The following FCHSD2 variants were observed in gnomAD, a reference collection of about 807,000 sequenced individuals.
FCHSD2 encodes the protein FCH and double SH3 domains 2.
In FCHSD2, 38 loss-of-function variants were observed where a neutral mutation model predicts 108.1. The ratio of observed to expected loss-of-function variants is 0.35; its 90% CI spans 0.27 to 0.46. The LOEUF (loss-of-function observed/expected upper bound fraction) is 0.46. Among genes scored for constraint, FCHSD2 ranks in the 20% least tolerant of loss-of-function variants. The pLI is 1.00. For synonymous variants in FCHSD2, 279 were observed against 314.7 expected (o/e 0.89, Z 1.20); for missense variants, 751 against 897.8 (o/e 0.84, Z 2.09).
chr11:73,006,066 TGTG>T (rs1857734887), intron 4 of FCHSD2, among the ~76,000 whole-genome samples: 1 of 151,754 alleles, frequency 6.6e-6, no homozygotes, highest in Non-Finnish European at 1.5e-5. Flanking sequence ...AGCCACTGCA[TGTG>T]GCTATTTTTT....
intron 4 of FCHSD2, among the ~76,000 whole-genome samples, chr11:73,008,700 A>G (rs901608614): frequency 6.6e-6 from 1 of 152,192 alleles, no homozygotes; most frequent in Non-Finnish European, 1.5e-5. Flanking sequence ...AAGGAAAAAC[A>G]ATAGAAGATT....
intron 13 of FCHSD2, among the ~76,000 whole-genome samples, chr11:72,866,755 C>T (rs1255731869): frequency 6.6e-6 from 1 of 152,206 alleles, no homozygotes; most frequent in African/African-American, 2.4e-5. Flanking sequence ...AGTGTATTCT[C>T]ATTAGAAAAT....
At chr11:72,915,390 T>C (rs926592006) in intron 9 of FCHSD2, among the ~76,000 whole-genome samples, 9 of 152,166 alleles carry the variant, frequency 5.9e-5, no homozygotes, top group Non-Finnish European at 1.2e-4. Context: ...GCAATCCCGT[T>C]ACTGAGTATA....
intron 8 of FCHSD2, among the ~76,000 whole-genome samples, chr11:72,955,397 G>A (rs938689138): frequency 1.3e-5 from 2 of 152,152 alleles, no homozygotes; most frequent in African/African-American, 4.8e-5. Context: ...CTCTCTGGGT[G>A]GGCTACCCTC....
At chr11:72,936,712 A>AT (rs1205683502) in intron 8 of FCHSD2, among the ~76,000 whole-genome samples, 1 of 152,206 alleles carries the variant, frequency 6.6e-6, no homozygotes, top group Non-Finnish European at 1.5e-5. Flanking sequence ...CTGAACACTT[A>AT]TAGTATATCT....
At chr11:73,113,811 G>A (rs1290902964) in intron 2 of FCHSD2, among the ~76,000 whole-genome samples, 2 of 152,180 alleles carry the variant, frequency 1.3e-5, no homozygotes, top group African/African-American at 4.8e-5. Context: ...GGCACCCCAA[G>A]CCCAGTAATG....
chr11:72,862,586 A>G (rs1323401311), intron 13 of FCHSD2, among the ~76,000 whole-genome samples: 2 of 152,224 alleles, frequency 1.3e-5, no homozygotes, highest in African/African-American at 4.8e-5. Context: ...TTAAAGTCCT[A>G]AATAAATGGA....
At chr11:73,096,986 G>GGTTTTTTTTTTT (rs1400831147) in intron 2 of FCHSD2, among the ~76,000 whole-genome samples, 4 of 19,472 alleles carry the variant, frequency 2.1e-4, no homozygotes, top group East Asian at 2.2e-3. Context: ...TTCATTGATG[G>GGTTTTTTTTTTT]ATTTTTTTTT....
intron 9 of FCHSD2, among the ~76,000 whole-genome samples, chr11:72,907,599 G>GTT (rs35079551): frequency 0.7 from 79,709 of 113,548 alleles, 29,160 homozygotes; most frequent in East Asian, 0.84. Flanking sequence ...AATCACGTGG[G>GTT]TTTTTTTTTT....
intron 8 of FCHSD2, chr11:72,940,797 C>A (rs1856401281): frequency 1.2e-6 from 1 of 848,354 alleles, no homozygotes; most frequent in Admixed American, 1.7e-5. Context: ...GCCTTCAGTG[C>A]GTTGCAGAGG....
chr11:73,103,794 T>C (rs984429894), intron 2 of FCHSD2, among the ~76,000 whole-genome samples: 3 of 152,242 alleles, frequency 2.0e-5, no homozygotes, highest in South Asian at 4.1e-4. Context: ...TTTCTAGATA[T>C]TCATTAAATC....
At chr11:73,003,437 AGTG>A (rs1264731402) in intron 4 of FCHSD2, among the ~76,000 whole-genome samples, 3 of 152,006 alleles carry the variant, frequency 2.0e-5, no homozygotes, top group African/African-American at 2.4e-5. Context: ...TCCCAATGGT[AGTG>A]GTGTTTTTCA....
chr11:73,084,863 T>TC (rs898146835), intron 2 of FCHSD2, among the ~76,000 whole-genome samples: 1 of 151,848 alleles, frequency 6.6e-6, no homozygotes, highest in Non-Finnish European at 1.5e-5. Context: ...ACCTTGAATA[T>TC]CCTGAGTTTA....
chr11:73,098,592 T>C (rs986267952), intron 2 of FCHSD2, among the ~76,000 whole-genome samples: 1 of 152,056 alleles, frequency 6.6e-6, no homozygotes, highest in Non-Finnish European at 1.5e-5. Context: ...TGGAATAGAA[T>C]TGATAGTCCA....
chr11:72,902,429 T>C (rs918123672), intron 10 of FCHSD2, 114 bp downstream of exon 10: 3 of 587,516 alleles, frequency 5.1e-6, no homozygotes, highest in African/African-American at 3.7e-5. Flanking sequence ...AGTTTTGTTA[T>C]AAAATTGATG....
intron 3 of FCHSD2, among the ~76,000 whole-genome samples, chr11:73,072,041 G>T (rs1859449594): frequency 6.6e-6 from 1 of 151,804 alleles, no homozygotes; most frequent in Non-Finnish European, 1.5e-5. Flanking sequence ...CTCAACCAGT[G>T]GGACCAGGTA....
At chr11:73,004,714 T>C (rs1857703131) in intron 4 of FCHSD2, among the ~76,000 whole-genome samples, 1 of 152,196 alleles carries the variant, frequency 6.6e-6, no homozygotes, top group Non-Finnish European at 1.5e-5. Context: ...TGGCAGAATG[T>C]GGCTGGAGAA....
chr11:73,128,473 T>C (rs1033670932), intron 2 of FCHSD2, among the ~76,000 whole-genome samples: 30 of 152,038 alleles, frequency 2.0e-4, no homozygotes, highest in Admixed American at 2.0e-4. Context: ...TTCAAGCATA[T>C]GACGCAAACA....
chr11:72,966,723 C>G (rs995354994), intron 8 of FCHSD2, among the ~76,000 whole-genome samples: 1 of 151,462 alleles, frequency 6.6e-6, no homozygotes, highest in South Asian at 2.1e-4. Context: ...TTATAGTACA[C>G]TAAAGGTAGG....
Sources: allele counts gnomAD v4.1 joint callset (sites outside exome capture counted in the v4.1 genomes callset), GRCh38; gene constraint gnomAD v4.1.1; transcripts MANE v1.5; gene names NCBI Gene and HGNC (gene_info 2026-07-23, HGNC 2026-07-21).